Variants in CDC42BPA observed in about 807,000 individuals in gnomAD.
The protein encoded by CDC42BPA is CDC42 binding protein kinase alpha.
A neutral mutation model predicts 223.5 loss-of-function variants in CDC42BPA; 80 were observed. The ratio of observed to expected loss-of-function variants is 0.36; its 90% CI spans 0.30 to 0.43. The LOEUF (loss-of-function observed/expected upper bound fraction) is 0.43, where lower values mean the gene tolerates loss of function less well. Among genes scored for constraint, CDC42BPA ranks in the 20% least tolerant of loss-of-function variants. The pLI, the probability that CDC42BPA is intolerant of heterozygous loss-of-function variation, is 1.00. For synonymous variants in CDC42BPA, 694 were observed against 718.6 expected (o/e 0.97, Z 0.55); for missense variants, 1,743 against 2,099.9 (o/e 0.83, Z 3.32).
At chr1:227,059,450 T>C in intron 21 of CDC42BPA, 5 of 1,514,748 alleles carry the variant, frequency 3.3e-6, no homozygotes, top group Non-Finnish European at 3.6e-6. Context: ...GTTACAAATA[T>C]TTACACACAT....
At chr1:227,076,103 G>A (rs1679409483) in intron 17 of CDC42BPA, among the ~76,000 whole-genome samples, 1 of 151,862 alleles carries the variant, frequency 6.6e-6, no homozygotes, top group Non-Finnish European at 1.5e-5. Context: ...CTTGGCTATA[G>A]AGAATTACTG....
At chr1:227,042,297 G>GAGATAT (rs922408596) in intron 23 of CDC42BPA, among the ~76,000 whole-genome samples, 3 of 147,606 alleles carry the variant, frequency 2.0e-5, no homozygotes, top group African/African-American at 7.8e-5. Flanking sequence ...ATACATATAT[G>GAGATAT]ATATATATAT....
At position 227,318,359 on chromosome 1, in the gene CDC42BPA, ACCACTCCCTT is replaced by A. The variant is rs1252342141; in HGVS notation, c.-1187_-1178del. On this transcript the variant is annotated 5_prime_UTR_variant, in exon 1 of 37. Transcript: ENST00000366766. ...AGAGGCTGCGGCAGCCCGGCTCCCA[ACCACTCCCTT>A]CCTCTCCCTTCCAGCCCTCCCCCGC... 6.6e-6 allele frequency: 1 copy of A among 151,584 alleles called. No homozygotes were observed. The highest frequency in any genetic ancestry group is 1.5e-5 in the Non-Finnish European group (1 of 67,962). 9.4% of individuals were successfully genotyped at this position (151,584 alleles called of 1,614,324 possible).
chr1:227,085,065 A>C (rs995492521), intron 16 of CDC42BPA, among the ~76,000 whole-genome samples: 8 of 152,156 alleles, frequency 5.3e-5, no homozygotes, highest in Admixed American at 3.3e-4. Flanking sequence ...CTGGAACTAC[A>C]AAATATACTC....
rs185357813 is a variant in CDC42BPA at position 226,996,602 on chromosome 1, T to A, written c.4976-1622A>T. ...ATTCGGTATGATATTGGCTGTGGGT[T>A]TGTCATAAATAGCTATTATTTTGAG... On this transcript the variant is annotated intron_variant, in intron 35 of 36. Coordinates refer to ENST00000366766, the MANE Select transcript of CDC42BPA (RefSeq NM_001394014.1). 1.7e-3 allele frequency among the ~76,000 whole-genome samples: 264 copies of A among 152,340 alleles called. 3 individuals carry two copies. Among genetic ancestry groups the A allele is most frequent in the African/African-American group, 5.9e-3 (246 of 41,574 alleles).
intron 5 of CDC42BPA, among the ~76,000 whole-genome samples, chr1:227,169,224 C>T (rs12727754): frequency 0.075 from 11,457 of 152,108 alleles, 473 homozygotes; most frequent in Admixed American, 0.11. Flanking sequence ...ACTTAAAAAT[C>T]CTAGTCTGCT....
intron 5 of CDC42BPA, among the ~76,000 whole-genome samples, chr1:227,177,796 C>T (rs1177543943): frequency 6.6e-6 from 1 of 152,176 alleles, no homozygotes; most frequent in African/African-American, 2.4e-5. Context: ...TTGCATGTTA[C>T]ACCTTTTCAT....
chr1:227,317,513 A>G lies in CDC42BPA; in HGVS notation c.-331T>C. The G allele has an allele frequency of 4.5e-6, 1 of 223,194 alleles. No homozygotes were observed. The highest frequency in any genetic ancestry group is 2.3e-4 in the South Asian group (1 of 4,426). The allele number at this position is 223,194 out of a possible 1,614,324, so 13.8% of individuals were successfully genotyped here. ...GAACTAGAGAGTCAACACTTCTTTA[A>G]AAAAAAAAAAAAAAACTCTTCTCCT... On this transcript the variant is annotated 5_prime_UTR_variant, in exon 1 of 37. Coordinates refer to ENST00000366766, the MANE Select transcript of CDC42BPA (RefSeq NM_001394014.1).
chr1:227,134,092 C>T (rs993647338), intron 10 of CDC42BPA, among the ~76,000 whole-genome samples: 1 of 152,088 alleles, frequency 6.6e-6, no homozygotes, highest in African/African-American at 2.4e-5. Flanking sequence ...CTCTAGGGAC[C>T]ACTTCAACAA....
intron 21 of CDC42BPA, among the ~76,000 whole-genome samples, chr1:227,059,794 C>A (rs553557590): frequency 6.6e-6 from 1 of 152,028 alleles, no homozygotes; most frequent in Admixed American, 6.6e-5. Context: ...ACTAGCCTGG[C>A]GTTAGACATT....
At chr1:227,087,690 T>A (rs1004395818) in intron 16 of CDC42BPA, among the ~76,000 whole-genome samples, 11 of 152,238 alleles carry the variant, frequency 7.2e-5, no homozygotes, top group African/African-American at 2.4e-4. Context: ...GTTCAGATAG[T>A]CCTTAATTTA....
chr1:227,265,682 C>A (rs2148412539), intron 1 of CDC42BPA, among the ~76,000 whole-genome samples: 1 of 151,654 alleles, frequency 6.6e-6, no homozygotes, highest in African/African-American at 2.4e-5. Flanking sequence ...ACAATTAGAA[C>A]CTCCCATCTA....
intron 14 of CDC42BPA, among the ~76,000 whole-genome samples, chr1:227,109,411 G>A (rs507967): frequency 0.069 from 10,498 of 152,038 alleles, 555 homozygotes; most frequent in East Asian, 0.25. Flanking sequence ...TGTCACCCAG[G>A]CTGGAGTGCA....
intron 1 of CDC42BPA, among the ~76,000 whole-genome samples, chr1:227,316,244 C>CT (rs1245343713): frequency 6.6e-6 from 1 of 152,174 alleles, no homozygotes; most frequent in African/African-American, 2.4e-5. Context: ...TGAGCCAAGC[C>CT]TTCAAGCTTG....
intron 1 of CDC42BPA, among the ~76,000 whole-genome samples, chr1:227,256,934 GATAT>G (rs139902680): frequency 6.6e-4 from 65 of 98,464 alleles, no homozygotes; most frequent in South Asian, 3.2e-3. Context: ...AACAAAATGT[GATAT>G]ATATATACAG....
intron 16 of CDC42BPA, among the ~76,000 whole-genome samples, chr1:227,082,169 A>G (rs1680814448): frequency 6.6e-6 from 1 of 152,134 alleles, no homozygotes; most frequent in Non-Finnish European, 1.5e-5. Context: ...CTGGGATTAC[A>G]GCTAAAAAAA....
Position 227,145,472 on chromosome 1 carries a change from C to A in CDC42BPA, c.1143+17G>T. On this transcript the variant is annotated intron_variant, in intron 8 of 36. Transcript: ENST00000366766. Reference sequence around the variant, plus strand: ...AAGAAACAGAGGGACAGAACTTCTTCACAGTGTCATACTTACAGAATTTTT... The same window carrying A: ...AAGAAACAGAGGGACAGAACTTCTTAACAGTGTCATACTTACAGAATTTTT... 6.2e-7 allele frequency: 1 copy of A among 1,603,134 alleles called. No individual in the cohort carries two copies. The highest frequency in any genetic ancestry group is 8.5e-7 in the Non-Finnish European group (1 of 1,173,816).
intron 3 of CDC42BPA, among the ~76,000 whole-genome samples, chr1:227,204,001 A>T (rs1217748518): frequency 1.3e-5 from 2 of 152,204 alleles, no homozygotes; most frequent in Non-Finnish European, 2.9e-5. Context: ...AAAAAGAAAC[A>T]AAATCCACTG....
At chr1:227,216,578 T>C (rs925911274) in intron 2 of CDC42BPA, among the ~76,000 whole-genome samples, 1 of 152,152 alleles carries the variant, frequency 6.6e-6, no homozygotes, top group Non-Finnish European at 1.5e-5. Context: ...TACAATAAAA[T>C]CAAACTGATC....
Sources: gnomAD v4.1 joint callset for allele counts (sites outside exome capture counted in the v4.1 genomes callset) on GRCh38, gnomAD v4.1.1 for gene constraint, MANE v1.5 for transcripts, NCBI Gene and HGNC (gene_info 2026-07-23, HGNC 2026-07-21) for gene names.